Variants in DIAPH2 observed in about 807,000 individuals in gnomAD.
DIAPH2 encodes the protein protein diaphanous homolog 2.
A neutral mutation model predicts 92.7 loss-of-function variants in DIAPH2; 35 were observed. The ratio of observed to expected loss-of-function variants is 0.38; its 90% CI spans 0.29 to 0.50. The LOEUF (loss-of-function observed/expected upper bound fraction) is 0.50, where lower values mean the gene tolerates loss of function less well. Among genes scored for constraint, DIAPH2 ranks in the 20% least tolerant of loss-of-function variants. The pLI is 0.94. For synonymous variants in DIAPH2, 301 were observed against 280.4 expected, an observed-to-expected ratio of 1.07 and a Z score of -0.73; for missense variants, 701 against 819.5, an observed-to-expected ratio of 0.86 and a Z score of 1.77.
At chrX:96,842,943 A>G (rs182000404) in intron 4 of DIAPH2, among the ~76,000 whole-genome samples, 2 of 111,898 alleles carry the variant, frequency 1.8e-5, no homozygotes, top group Non-Finnish European at 3.8e-5. Context: ...TAATGTTTCC[A>G]TTCACCTGTG....
chrX:96,936,897 T>C (rs1271823583), intron 10 of DIAPH2, among the ~76,000 whole-genome samples: 2 of 112,132 alleles, frequency 1.8e-5, no homozygotes, highest in Admixed American at 1.9e-4. Flanking sequence ...GCATGAGTTC[T>C]TTTGCAATCT....
At chrX:96,730,795 G>A (rs1204710693) in intron 1 of DIAPH2, among the ~76,000 whole-genome samples, 7 of 111,110 alleles carry the variant, frequency 6.3e-5, no homozygotes, top group African/African-American at 2.0e-4. Flanking sequence ...TATGTCACTC[G>A]TGTCCATGTG....
intron 22 of DIAPH2, among the ~76,000 whole-genome samples, chrX:97,234,668 C>T (rs190985596): frequency 2.3e-3 from 260 of 112,067 alleles, no homozygotes; most frequent in African/African-American, 7.8e-3. Context: ...TTTATGGACA[C>T]TGAAATTTAA....
intron 24 of DIAPH2, among the ~76,000 whole-genome samples, chrX:97,376,258 C>G (rs1489003338): frequency 9.0e-6 from 1 of 111,392 alleles, no homozygotes; most frequent in Admixed American, 9.6e-5. Context: ...TTTATTATTT[C>G]TTAGATTTGT....
chrX:97,193,115 C>T (rs1197700488), intron 22 of DIAPH2, among the ~76,000 whole-genome samples: 6 of 104,895 alleles, frequency 5.7e-5, no homozygotes, highest in South Asian at 4.3e-4. Context: ...TGGGCTCAAG[C>T]GATTCTCCCA....
chrX:97,021,452 C>A (rs755593163), intron 17 of DIAPH2, among the ~76,000 whole-genome samples: 3 of 111,873 alleles, frequency 2.7e-5, no homozygotes, highest in Non-Finnish European at 5.6e-5. Flanking sequence ...CCCGCCTTGG[C>A]TTCCCAAAGT....
intron 3 of DIAPH2, among the ~76,000 whole-genome samples, chrX:96,757,077 C>T (rs1473854037): frequency 9.2e-6 from 1 of 108,665 alleles, no homozygotes; most frequent in Non-Finnish European, 1.9e-5. Context: ...GCCACCACGC[C>T]TGGCTAATTT....
chrX:97,049,973 T>A (rs2066508590), intron 17 of DIAPH2, among the ~76,000 whole-genome samples: 2 of 111,047 alleles, frequency 1.8e-5, no homozygotes, highest in Admixed American at 1.9e-4. Flanking sequence ...GGTGGTAGGG[T>A]CTGTTCCCTA....
intron 24 of DIAPH2, among the ~76,000 whole-genome samples, chrX:97,364,148 T>TCA (rs2069355955): frequency 8.9e-6 from 1 of 111,869 alleles, no homozygotes; most frequent in South Asian, 3.8e-4. Context: ...TGAAAGAACA[T>TCA]CATATATGTA....
chrX:97,344,610 G>T (rs1166970655), intron 23 of DIAPH2, among the ~76,000 whole-genome samples: 1 of 111,547 alleles, frequency 9.0e-6, no homozygotes, highest in Non-Finnish European at 1.9e-5. Context: ...TAATCTCTTT[G>T]AAGATAAGTG....
intron 23 of DIAPH2, among the ~76,000 whole-genome samples, chrX:97,291,790 A>C (rs1322350447): frequency 4.5e-5 from 5 of 111,448 alleles, no homozygotes; most frequent in African/African-American, 1.6e-4. Context: ...CCCCCACCTC[A>C]GCCTCCCAAA....
Position 97,496,901 on chromosome X carries a change from T to C in DIAPH2, c.3241+67156T>C, listed in dbSNP as rs1267215505. 3.6e-5 allele frequency among the ~76,000 whole-genome samples: 4 copies of C among 111,830 alleles called. No homozygotes were observed. The Admixed American group carries it at 3.8e-4, about 11-fold the overall frequency. On this transcript the variant is annotated intron_variant, in intron 26 of 26. Transcript: ENST00000324765. ...TTCCAATAATCTTATGTTCCATAAA[T>C]GAAATTTTAAAACTGATACATTTTT...
intron 17 of DIAPH2, among the ~76,000 whole-genome samples, chrX:96,998,198 C>T (rs946102307): frequency 3.6e-5 from 4 of 111,571 alleles, no homozygotes; most frequent in African/African-American, 1.3e-4. Flanking sequence ...ATATATTGTA[C>T]CTCAATAAAA....
At chrX:97,245,587 A>AT in intron 22 of DIAPH2, among the ~76,000 whole-genome samples, 1 of 109,572 alleles carries the variant, frequency 9.1e-6, no homozygotes, top group Admixed American at 9.8e-5. Flanking sequence ...TTATTTTTGT[A>AT]TTTTTTGTAG....
At position 97,114,857 on chromosome X, in the gene DIAPH2, T is replaced by C. The variant is rs149759473; in HGVS notation, c.2481T>C (p.Ser827=). Residue 827 remains serine (S), a synonymous_variant, in exon 21 of 27, where the codon AGT becomes AGC. Transcript: ENST00000324765. ...VTLACEELKK[S]ESFNRLLELV... ...TTGCCTGTGAAGAACTGAAGAAAAG[T>C]GAAAGCTTTAACAGACTTTTAGAGT... 3 of 1,211,151 alleles carry C rather than the reference T, an allele frequency of 2.5e-6. No homozygotes were observed. The highest frequency in any genetic ancestry group is 3.0e-5 in the East Asian group (1 of 33,788).
chrX:97,143,249 AAAT>A (rs1348146894), intron 22 of DIAPH2, among the ~76,000 whole-genome samples: 3 of 111,195 alleles, frequency 2.7e-5, no homozygotes, highest in Non-Finnish European at 5.7e-5. Flanking sequence ...GGCTAATGTG[AAAT>A]AATAACATTT....
chrX:96,933,281 C>G (rs2065632203), intron 10 of DIAPH2, among the ~76,000 whole-genome samples: 1 of 109,483 alleles, frequency 9.1e-6, no homozygotes, highest in South Asian at 3.8e-4. Context: ...TTTCCATTTC[C>G]CTTTTTCTTT....
At chrX:97,012,215 T>A (rs1352288265) in intron 17 of DIAPH2, among the ~76,000 whole-genome samples, 1 of 112,055 alleles carries the variant, frequency 8.9e-6, no homozygotes, top group Admixed American at 9.4e-5. Flanking sequence ...AACAAAATAG[T>A]TCCTGAGGTG....
chrX:96,943,790 C>G (rs1371028375), intron 13 of DIAPH2, among the ~76,000 whole-genome samples: 1 of 111,122 alleles, frequency 9.0e-6, no homozygotes, highest in Non-Finnish European at 1.9e-5. Context: ...TGATTCTTTA[C>G]TATTAATCAA....
Sources: gnomAD v4.1 joint callset for allele counts (sites outside exome capture counted in the v4.1 genomes callset) on GRCh38, gnomAD v4.1.1 for gene constraint, MANE v1.5 for transcripts, NCBI Gene and HGNC (gene_info 2026-07-23, HGNC 2026-07-21) for gene names.